Variants in MPP7 observed in about 807,000 individuals in gnomAD.
MPP7 encodes MAGUK p55 scaffold protein 7, also known as MAGUK p55 subfamily member 7.
In MPP7, 60 loss-of-function variants were observed where a neutral mutation model predicts 76.5. The observed-to-expected ratio is 0.78, with a 90% confidence interval of 0.64 to 0.97. The LOEUF (loss-of-function observed/expected upper bound fraction) is 0.97, where lower values mean the gene tolerates loss of function less well. Ranked by LOEUF, MPP7 falls within the 50% of genes least tolerant of loss-of-function variation. The pLI, the probability that MPP7 is intolerant of heterozygous loss-of-function variation, is 0.00. For missense variants in MPP7, 641 were observed against 694.0 expected (o/e 0.92, Z 0.86); for synonymous variants, 237 against 244.5 (o/e 0.97, Z 0.29).
chr10:28,249,080 G>GA (rs1284656758), intron 1 of MPP7, among the ~76,000 whole-genome samples: 2 of 151,850 alleles, frequency 1.3e-5, no homozygotes, highest in African/African-American at 4.8e-5. Context: ...AATAATGAAT[G>GA]AAAAAATGAA....
intron 2 of MPP7, among the ~76,000 whole-genome samples, chr10:28,233,724 A>G (rs1279196464): frequency 1.3e-5 from 2 of 150,702 alleles, no homozygotes; most frequent in Non-Finnish European, 3.0e-5. Context: ...TCTCAAAAAA[A>G]AAAAAAAAAA....
intron 1 of MPP7, chr10:28,279,960 G>A (rs940874341): frequency 3.9e-5 from 6 of 152,038 alleles, no homozygotes; most frequent in African/African-American, 1.5e-4. Flanking sequence ...GTGAGATGAG[G>A]CTATCTGAAT....
chr10:28,106,433 T>C (rs1190211003), intron 11 of MPP7, among the ~76,000 whole-genome samples: 4 of 152,216 alleles, frequency 2.6e-5, no homozygotes, highest in African/African-American at 9.6e-5. Flanking sequence ...AACTGGAGAT[T>C]TCCTTAGAAA....
rs562591491 is a variant in MPP7 at position 28,102,302 on chromosome 10, T to C, written c.953-12461A>G. ...GGATTACAGGTGTGCACCACTGCGCTTGGATTATTACAAAATTTTATGCAA... is the reference window on the plus strand; with the variant it reads ...GGATTACAGGTGTGCACCACTGCGCCTGGATTATTACAAAATTTTATGCAA... On this transcript the variant is annotated intron_variant, in intron 11 of 16. Transcript: ENST00000683449. 6.1e-4 allele frequency among the ~76,000 whole-genome samples: 93 copies of C among 152,192 alleles called. 1 individual carries two copies. In the Middle Eastern group the frequency reaches 0.01, roughly 17 times the overall value.
intron 3 of MPP7, among the ~76,000 whole-genome samples, chr10:28,172,497 T>A (rs1425668442): frequency 2.6e-5 from 4 of 152,194 alleles, no homozygotes; most frequent in African/African-American, 9.6e-5. Context: ...TGTGGAAATA[T>A]CAAGACTCTA....
rs764959196 is a variant in MPP7, at chr10:28,079,936, A to G, written c.1123+9735T>C. Among the ~76,000 whole-genome samples the G allele has an allele frequency of 8.5e-5, 13 of 152,112 alleles. No individual in the cohort carries two copies. The East Asian group carries it at 2.3e-3, about 27-fold the overall frequency. On this transcript the variant is annotated intron_variant, in intron 12 of 16. Transcript: ENST00000683449. Reference sequence around the variant, plus strand: ...CAGGAGTTCCAGACCAGCCTGGCCAACATGGTGAAACTCCATCTCTACTAA... The same window carrying G: ...CAGGAGTTCCAGACCAGCCTGGCCAGCATGGTGAAACTCCATCTCTACTAA...
intron 1 of MPP7, among the ~76,000 whole-genome samples, chr10:28,299,788 C>T (rs1841111445): frequency 8.8e-6 from 1 of 114,046 alleles, no homozygotes; most frequent in African/African-American, 3.5e-5. Context: ...TTTTTTGAGA[C>T]GGAGTCTCGC....
rs898101337 is a variant in MPP7 at position 28,206,574 on chromosome 10, G to C, written c.38-4303C>G. ...GTAAAATATATTAATTTAGATATTAGGTTTGGGCCCCACTTGCATATTTCA... is the reference window on the plus strand; with the variant it reads ...GTAAAATATATTAATTTAGATATTACGTTTGGGCCCCACTTGCATATTTCA... On this transcript the variant is annotated intron_variant, in intron 2 of 16. Coordinates refer to ENST00000683449, the MANE Select transcript of MPP7 (RefSeq NM_001318170.2). Among the ~76,000 whole-genome samples, 8 of 151,946 alleles carry C rather than the reference G, an allele frequency of 5.3e-5. No homozygotes were observed. In the East Asian group the frequency reaches 7.7e-4, roughly 15 times the overall value.
In MPP7 at chr10:28,089,704, T is replaced by G; in HGVS notation, c.1090A>C (p.Thr364Pro). ...YEEVTPYRRQ[T>P]NEKYRLVVLV... ...ACAACGAGTCTGTATTTTTCATTAG[T>G]TTGTCGCCGATACGGTGTCACTTCT... Residue 364 changes from threonine (T) to proline (P), a missense_variant, in exon 12 of 17, where the codon ACT becomes CCT. Physicochemically the swap from Thr to Pro is conservative, Grantham distance 38. Transcript: ENST00000683449. 1 of 1,613,702 alleles carries G rather than the reference T, an allele frequency of 6.2e-7. No homozygotes were observed. The highest frequency in any genetic ancestry group is 1.3e-5 in the African/African-American group (1 of 75,022).
Position 28,185,546 on chromosome 10 carries a change from G to T in MPP7, c.156+16607C>A, listed in dbSNP as rs531111379. Among the ~76,000 whole-genome samples the T allele has an allele frequency of 2.6e-5, 4 of 152,252 alleles. No homozygotes were observed. In the South Asian group the frequency reaches 8.3e-4, roughly 32 times the overall value. On this transcript the variant is annotated intron_variant, in intron 3 of 16. Transcript: ENST00000683449. ...ACAGCAAAAGGTCCCAATTTGATGT[G>T]AAGGAATCATGGAAGTCGTTGTCCT...
chr10:28,149,762 C>A (rs921583643), intron 4 of MPP7, among the ~76,000 whole-genome samples: 3 of 152,176 alleles, frequency 2.0e-5, no homozygotes, highest in African/African-American at 7.2e-5. Context: ...GAAAGCAGAA[C>A]AAGAGAGTAG....
At chr10:28,211,107 C>A (rs375590049) in intron 2 of MPP7, among the ~76,000 whole-genome samples, 1 of 148,920 alleles carries the variant, frequency 6.7e-6, no homozygotes, top group Non-Finnish European at 1.5e-5. Flanking sequence ...ACTGTCTTTT[C>A]TTTTTTTTTT....
At chr10:28,164,916 T>C (rs1836394870) in intron 3 of MPP7, among the ~76,000 whole-genome samples, 1 of 152,208 alleles carries the variant, frequency 6.6e-6, no homozygotes, top group South Asian at 2.1e-4. Context: ...ACTATACATA[T>C]ATCCATGTAA....
At chr10:28,089,216 T>C (rs926298464) in intron 12 of MPP7, among the ~76,000 whole-genome samples, 24 of 152,060 alleles carry the variant, frequency 1.6e-4, no homozygotes, top group African/African-American at 5.3e-4. Context: ...CCCAGCCAAT[T>C]ATCAACTTTA....
intron 1 of MPP7, among the ~76,000 whole-genome samples, chr10:28,269,674 G>A (rs796081953): frequency 7.9e-5 from 12 of 151,614 alleles, no homozygotes; most frequent in African/African-American, 1.9e-4. Context: ...CTAGAGGCAC[G>A]CACCACCACA....
intron 6 of MPP7, 60 bp from the exon 7 acceptor site, chr10:28,125,151 G>A: frequency 1.4e-6 from 2 of 1,380,808 alleles, no homozygotes; most frequent in Non-Finnish European, 2.1e-6. Flanking sequence ...TGTTAGAAAA[G>A]GAGGAAATAA....
At chr10:28,168,870 T>C (rs1836581380) in intron 3 of MPP7, among the ~76,000 whole-genome samples, 1 of 152,194 alleles carries the variant, frequency 6.6e-6, no homozygotes, top group Non-Finnish European at 1.5e-5. Context: ...AAATTTATAT[T>C]CATAACCCAT....
chr10:28,279,843 T>C (rs1293127262), intron 1 of MPP7, among the ~76,000 whole-genome samples: 1 of 152,088 alleles, frequency 6.6e-6, no homozygotes, highest in East Asian at 1.9e-4. Context: ...TTTCTTAGTC[T>C]TAAAATGTTC....
intron 11 of MPP7, among the ~76,000 whole-genome samples, chr10:28,095,933 G>T (rs185897140): frequency 4.6e-5 from 7 of 152,272 alleles, no homozygotes; most frequent in Admixed American, 3.3e-4. Context: ...TGAAAGGAAC[G>T]GCACGTTTAG....
Sources: gnomAD v4.1 joint callset for allele counts (sites outside exome capture counted in the v4.1 genomes callset) on GRCh38, gnomAD v4.1.1 for gene constraint, MANE v1.5 for transcripts, NCBI Gene and HGNC (gene_info 2026-07-23, HGNC 2026-07-21) for gene names.